Variants in LRRC4C observed in about 807,000 individuals in gnomAD.
The protein encoded by LRRC4C is leucine-rich repeat-containing protein 4C.
In LRRC4C, 5 loss-of-function variants were observed where a neutral mutation model predicts 33.6. The ratio of observed to expected loss-of-function variants is 0.15; its 90% CI spans 0.08 to 0.31. LRRC4C has a LOEUF of 0.31. Among genes scored for constraint, LRRC4C ranks in the 10% least tolerant of loss-of-function variants. LRRC4C has a pLI of 1.00. For missense variants in LRRC4C, 560 were observed against 796.7 expected, an observed-to-expected ratio of 0.70 and a Z score of 3.58; for synonymous variants, 329 against 302.0, an observed-to-expected ratio of 1.09 and a Z score of -0.93.
chr11:40,355,979 G>GTATAGTATAGTATAT (rs1555030025), intron 3 of LRRC4C, among the ~76,000 whole-genome samples: 51 of 151,804 alleles, frequency 3.4e-4, no homozygotes, highest in African/African-American at 1.2e-3. Flanking sequence ...GTATAGTACA[G>GTATAGTATAGTATAT]TATAGTATAG....
At chr11:41,397,553 A>T (rs1226717602) in intron 1 of LRRC4C, among the ~76,000 whole-genome samples, 1 of 151,892 alleles carries the variant, frequency 6.6e-6, no homozygotes, top group African/African-American at 2.4e-5. Flanking sequence ...TCTGGTCAGC[A>T]CTAGGCAATT....
intron 2 of LRRC4C, among the ~76,000 whole-genome samples, chr11:40,770,253 C>G (rs904259373): frequency 3.9e-5 from 6 of 152,108 alleles, no homozygotes; most frequent in Non-Finnish European, 8.8e-5. Flanking sequence ...CAAACACATG[C>G]TTTTTCATAT....
chr11:40,679,698 A>G (rs1288183573), intron 2 of LRRC4C, among the ~76,000 whole-genome samples: 7 of 152,164 alleles, frequency 4.6e-5, no homozygotes, highest in Admixed American at 4.6e-4. Context: ...GAAGTCAAGA[A>G]CTGAGATTTG....
chr11:40,930,482 T>C (rs754619043), intron 2 of LRRC4C, among the ~76,000 whole-genome samples: 1 of 152,180 alleles, frequency 6.6e-6, no homozygotes, highest in Non-Finnish European at 1.5e-5. Context: ...TGAATTAGTG[T>C]CTCTGATACA....
At chr11:41,315,922 A>C (rs1354624705) in intron 1 of LRRC4C, among the ~76,000 whole-genome samples, 3 of 152,218 alleles carry the variant, frequency 2.0e-5, no homozygotes, top group Non-Finnish European at 1.5e-5. Context: ...ACTAAGATGC[A>C]ACATTAATTT....
At chr11:41,264,560 C>A (rs1949088819) in intron 1 of LRRC4C, among the ~76,000 whole-genome samples, 1 of 152,082 alleles carries the variant, frequency 6.6e-6, no homozygotes, top group South Asian at 2.1e-4. Context: ...AGACCCACAT[C>A]ATCATTTATA....
At chr11:40,181,073 G>A (rs1397650280) in intron 5 of LRRC4C, among the ~76,000 whole-genome samples, 8 of 152,124 alleles carry the variant, frequency 5.3e-5, no homozygotes, top group African/African-American at 1.4e-4. Flanking sequence ...ATGTTTTGTC[G>A]TAATGGTCAG....
chr11:40,907,205 A>G (rs1370278687), intron 2 of LRRC4C, among the ~76,000 whole-genome samples: 1 of 152,224 alleles, frequency 6.6e-6, no homozygotes, highest in Non-Finnish European at 1.5e-5. Context: ...GAGATGTAGA[A>G]TGTCTTTCTT....
chr11:41,003,382 G>A (rs1384378282), intron 1 of LRRC4C, among the ~76,000 whole-genome samples: 3 of 152,070 alleles, frequency 2.0e-5, no homozygotes, highest in Non-Finnish European at 4.4e-5. Context: ...CATACTAAAT[G>A]TTAACAAGAT....
At chr11:41,237,316 G>A (rs200589850) in intron 1 of LRRC4C, among the ~76,000 whole-genome samples, 1 of 152,148 alleles carries the variant, frequency 6.6e-6, no homozygotes, top group East Asian at 1.9e-4. Context: ...TCAGCTCAGA[G>A]TAGTATTCAG....
chr11:41,059,214 T>TTTTTTTTTTTTG (rs1858879005), intron 1 of LRRC4C, among the ~76,000 whole-genome samples: 1 of 149,312 alleles, frequency 6.7e-6, no homozygotes, highest in Non-Finnish European at 1.5e-5. Flanking sequence ...ATAAAAGTTT[T>TTTTTTTTTTTTG]TTTTTTTTTT....
intron 1 of LRRC4C, among the ~76,000 whole-genome samples, chr11:41,120,707 C>T (rs937400383): frequency 2.6e-5 from 4 of 152,182 alleles, no homozygotes; most frequent in African/African-American, 4.8e-5. Context: ...AGTCTTCCTT[C>T]TCTTGCTAAG....
At chr11:41,239,585 T>C (rs890024927) in intron 1 of LRRC4C, among the ~76,000 whole-genome samples, 4 of 152,148 alleles carry the variant, frequency 2.6e-5, no homozygotes, top group Non-Finnish European at 1.5e-5. Context: ...CAAATGTGAC[T>C]GTCTTACCAA....
rs766642767 is a variant in LRRC4C, at chr11:41,287,660, CAG to C, written c.-496+171769_-496+171770del. ...GATATCAATACACAAGCTGATAAAA[CAG>C]AGTTTTTAATCCACTGTAAACCATT... On this transcript the variant is annotated intron_variant, in intron 1 of 6. Coordinates refer to ENST00000528697, the MANE Select transcript of LRRC4C (RefSeq NM_001258419.2). 1.3e-4 allele frequency among the ~76,000 whole-genome samples: 20 copies of C among 152,214 alleles called. No homozygotes were observed. The East Asian group carries it at 1.9e-3, about 15-fold the overall frequency.
intron 4 of LRRC4C, among the ~76,000 whole-genome samples, chr11:40,242,383 T>C (rs1590799868): frequency 2.6e-5 from 4 of 152,338 alleles, no homozygotes; most frequent in South Asian, 2.1e-4. Context: ...ATTTTTTAAA[T>C]GAGTTTTATG....
At position 41,295,589 on chromosome 11, in the gene LRRC4C, G is replaced by A. The variant is rs1257752920; in HGVS notation, c.-496+163842C>T. Reference sequence around the variant, plus strand: ...ACTCTTTTTGAGTTTATACGTTCAGGGCAACAAACATTTTTTTTTTTTTTA... The same window carrying A: ...ACTCTTTTTGAGTTTATACGTTCAGAGCAACAAACATTTTTTTTTTTTTTA... On this transcript the variant is annotated intron_variant, in intron 1 of 6. Coordinates refer to ENST00000528697, the MANE Select transcript of LRRC4C (RefSeq NM_001258419.2). Among the ~76,000 whole-genome samples the A allele has an allele frequency of 3.4e-5, 5 of 148,754 alleles. No individual in the cohort carries two copies. The East Asian group carries it at 1.0e-3, about 31-fold the overall frequency.
chr11:40,342,977 G>A (rs557033041), intron 3 of LRRC4C, among the ~76,000 whole-genome samples: 41 of 152,074 alleles, frequency 2.7e-4, no homozygotes, highest in African/African-American at 9.2e-4. Context: ...GGCTCCATAA[G>A]TATAGTAGTA....
chr11:41,322,510 C>G (rs1950988008), intron 1 of LRRC4C, among the ~76,000 whole-genome samples: 3 of 151,946 alleles, frequency 2.0e-5, no homozygotes, highest in Admixed American at 2.0e-4. Context: ...GCACCAAAAC[C>G]TTTAGTAATA....
intron 3 of LRRC4C, among the ~76,000 whole-genome samples, chr11:40,358,174 C>T (rs1435703419): frequency 7.0e-6 from 1 of 142,422 alleles, no homozygotes; most frequent in Non-Finnish European, 1.5e-5. Context: ...GAGAGAGAGA[C>T]TCTGTCTCAA....
Sources: allele counts gnomAD v4.1 joint callset (sites outside exome capture counted in the v4.1 genomes callset), GRCh38; gene constraint gnomAD v4.1.1; transcripts MANE v1.5; gene names NCBI Gene and HGNC (gene_info 2026-07-23, HGNC 2026-07-21).